ASPH: variants seen among roughly 807,000 people sequenced by gnomAD.
ASPH encodes aspartate beta-hydroxylase, also known as aspartyl/asparaginyl beta-hydroxylase.
Under a neutral mutation model 118.4 loss-of-function variants are expected in ASPH, and 100 were observed. The observed-to-expected ratio is 0.84, with a 90% CI of 0.72 to 1.00. ASPH has a LOEUF of 1.00. ASPH is among the 50% of genes least tolerant of loss of function. The probability of loss-of-function intolerance (pLI) is 0.00; values close to 1 mark genes in which losing one functional copy is unlikely to be tolerated. For missense variants in ASPH, 920 were observed against 919.5 expected, an observed-to-expected ratio of 1.00 and a Z score of -0.01; for synonymous variants, 315 against 325.6, an observed-to-expected ratio of 0.97 and a Z score of 0.35.
chr8:61,584,875 G>C (rs765016687), intron 14 of ASPH, among the ~76,000 whole-genome samples: 1 of 151,924 alleles, frequency 6.6e-6, no homozygotes, highest in African/African-American at 2.4e-5. Context: ...TGTGAAAAAC[G>C]TGCCTATCCT....
At chr8:61,617,094 G>A (rs773085631) in intron 14 of ASPH, among the ~76,000 whole-genome samples, 3 of 152,212 alleles carry the variant, frequency 2.0e-5, no homozygotes, top group Non-Finnish European at 4.4e-5. Context: ...GGACACACCA[G>A]TCTAGAGTGC....
intron 3 of ASPH, among the ~76,000 whole-genome samples, chr8:61,669,198 C>A (rs1311732674): frequency 6.6e-6 from 1 of 152,138 alleles, no homozygotes; most frequent in East Asian, 1.9e-4. Flanking sequence ...ATTGTAAAAC[C>A]CACTTTGTAC....
chr8:61,649,292 G>A (rs1373838769), intron 5 of ASPH, among the ~76,000 whole-genome samples: 1 of 152,168 alleles, frequency 6.6e-6, no homozygotes, highest in African/African-American at 2.4e-5. Flanking sequence ...AGTTAAGCAA[G>A]TAAGAGGGTA....
At chr8:61,617,801 C>T (rs991674422) in intron 14 of ASPH, among the ~76,000 whole-genome samples, 3 of 151,568 alleles carry the variant, frequency 2.0e-5, no homozygotes, top group African/African-American at 7.3e-5. Context: ...GGCGTGGTGG[C>T]ATGTGTCTGT....
intron 14 of ASPH, among the ~76,000 whole-genome samples, chr8:61,601,323 A>ACGAGGTCAGGAGCT: frequency 6.6e-6 from 1 of 151,262 alleles, no homozygotes; most frequent in African/African-American, 2.5e-5. Context: ...CAGGTGGATC[A>ACGAGGTCAGGAGCT]CGAGGTCAGG....
At chr8:61,690,866 T>C (rs748102762) in intron 1 of ASPH, among the ~76,000 whole-genome samples, 1 of 152,102 alleles carries the variant, frequency 6.6e-6, no homozygotes, top group African/African-American at 2.4e-5. Context: ...AATACACCAC[T>C]AGATCAATTT....
chr8:61,676,707 C>T (rs1463546329), intron 3 of ASPH, among the ~76,000 whole-genome samples: 1 of 152,070 alleles, frequency 6.6e-6, no homozygotes, highest in Non-Finnish European at 1.5e-5. Flanking sequence ...CTCTGACAAC[C>T]TCCAGATTTG....
intron 24 of ASPH, chr8:61,517,096 C>T (rs1206761794): frequency 1.3e-5 from 2 of 155,524 alleles, no homozygotes; most frequent in Non-Finnish European, 2.9e-5. Flanking sequence ...TTGCACCATA[C>T]CATCTCCTCT....
intron 8 of ASPH, 68 bp downstream of exon 8, chr8:61,643,877 G>C: frequency 8.2e-7 from 1 of 1,220,594 alleles, no homozygotes; most frequent in Middle Eastern, 1.9e-4. Flanking sequence ...TGTTAACCCT[G>C]GAATAAAACG....
intron 21 of ASPH, among the ~76,000 whole-genome samples, chr8:61,535,115 T>C (rs1010708998): frequency 6.6e-6 from 1 of 152,166 alleles, no homozygotes; most frequent in Non-Finnish European, 1.5e-5. Flanking sequence ...AACTTCACTA[T>C]CTCTTTAAAG....
At chr8:61,552,475 A>G (rs555978663) in intron 20 of ASPH, among the ~76,000 whole-genome samples, 5 of 152,344 alleles carry the variant, frequency 3.3e-5, no homozygotes, top group Non-Finnish European at 7.4e-5. Flanking sequence ...TTCGTCTTAA[A>G]CTTGGTATTA....
intron 21 of ASPH, among the ~76,000 whole-genome samples, chr8:61,540,736 G>T (rs1238880548): frequency 1.3e-5 from 2 of 152,124 alleles, no homozygotes; most frequent in Middle Eastern, 6.3e-3. Flanking sequence ...ACTGTCCCCT[G>T]CCTTCAGGAA....
Position 61,503,295 on chromosome 8 carries a change from C to T in ASPH, c.*64G>A, listed in dbSNP as rs1401147346. 7 of 1,533,102 alleles carry T rather than the reference C, an allele frequency of 4.6e-6. No homozygotes were observed. The African/African-American group carries it at 6.9e-5, about 15-fold the overall frequency. The allele number at this position is 1,533,102 out of a possible 1,614,324, so 95.0% of individuals were successfully genotyped here. A position where few individuals can be genotyped will look rare whatever the true frequency, so the allele number is the denominator to read the frequency against. Reference sequence around the variant, plus strand: ...GGTGTTCGAAATTCTATCCTCACACCCAAGGAGATGGAACCAGAAAGGCAG... The same window carrying T: ...GGTGTTCGAAATTCTATCCTCACACTCAAGGAGATGGAACCAGAAAGGCAG... On this transcript the variant is annotated 3_prime_UTR_variant, in exon 25 of 25. Transcript: ENST00000379454.
At chr8:61,704,482 T>C (rs1836084246) in intron 1 of ASPH, among the ~76,000 whole-genome samples, 1 of 151,616 alleles carries the variant, frequency 6.6e-6, no homozygotes, top group African/African-American at 2.4e-5. Flanking sequence ...GAATGTGCAG[T>C]TTCTTAGAAC....
chr8:61,550,442 T>TACACACACACACACACACACACAC (rs34577657), intron 20 of ASPH, among the ~76,000 whole-genome samples: 2,271 of 147,620 alleles, frequency 0.015, 25 homozygotes, highest in Middle Eastern at 0.028. Context: ...CACATGTACA[T>TACACACACACACACACACACACAC]ACACACACAC....
intron 13 of ASPH, among the ~76,000 whole-genome samples, chr8:61,629,203 C>A (rs138152298): frequency 1.3e-5 from 2 of 152,280 alleles, no homozygotes; most frequent in East Asian, 1.9e-4. Context: ...TGCTCACATA[C>A]CTGCATTCTG....
chr8:61,524,996 CA>C (rs930214661), intron 22 of ASPH, among the ~76,000 whole-genome samples: 2 of 151,980 alleles, frequency 1.3e-5, no homozygotes, highest in African/African-American at 4.8e-5. Flanking sequence ...TTCTTGTTGG[CA>C]AAAAGTGGAT....
intron 1 of ASPH, 51 bp from the exon 2 acceptor site, chr8:61,684,239 C>A (rs117941169): frequency 6.6e-7 from 1 of 1,513,546 alleles, no homozygotes. Flanking sequence ...TTTTACTGAA[C>A]ACTTATTCTC....
At chr8:61,656,354 T>C (rs1270070582) in intron 3 of ASPH, 1 of 152,160 alleles carries the variant, frequency 6.6e-6, no homozygotes, top group Non-Finnish European at 1.5e-5. Context: ...AGCTTCACCC[T>C]CAGGCTGGCA....
Sources: allele counts gnomAD v4.1 joint callset (sites outside exome capture counted in the v4.1 genomes callset), GRCh38; gene constraint gnomAD v4.1.1; transcripts MANE v1.5; gene names NCBI Gene and HGNC (gene_info 2026-07-23, HGNC 2026-07-21).